BOP1: variants seen among roughly 807,000 people sequenced by gnomAD.
The protein encoded by BOP1 is ribosome biogenesis protein BOP1.
A neutral mutation model predicts 82.9 loss-of-function variants in BOP1; 54 were observed. The observed-to-expected ratio is 0.65, with a 90% CI of 0.52 to 0.82. The LOEUF (loss-of-function observed/expected upper bound fraction) is 0.82. BOP1 is among the 40% of genes least tolerant of loss of function. The pLI is 0.00. For missense variants in BOP1, 1,170 were observed against 1,072.0 expected (o/e 1.09, Z -1.28); for synonymous variants, 566 against 451.1 (o/e 1.25, Z -3.23).
At chr8:144,283,400 TG>T (rs1426137418) in intron 2 of BOP1, among the ~76,000 whole-genome samples, 6 of 152,138 alleles carry the variant, frequency 3.9e-5, no homozygotes, top group Admixed American at 3.9e-4. Flanking sequence ...GCTAAGTGCA[TG>T]GATGATGCCG....
At chr8:144,265,680 G>C (rs1427273915) in intron 3 of BOP1, 1 of 159,504 alleles carries the variant, frequency 6.3e-6, no homozygotes, top group African/African-American at 2.4e-5. Flanking sequence ...GCCACGGGGA[G>C]GGGCCCAGGC....
At position 144,289,176 on chromosome 8, in the gene BOP1, T is replaced by TTCG; in HGVS notation, c.225_227dup (p.Asp75dup). The TTCG allele has an allele frequency of 6.2e-6, 10 of 1,614,180 alleles. No homozygotes were observed. Among genetic ancestry groups the TTCG allele is most frequent in the Non-Finnish European group, 8.5e-6 (10 of 1,180,016 alleles). ...CTCCGTCCTCTCCCTCCTCGTCGCC[T>TTCG]TCGTCATCATCCTCACTGCTGTCAC... On this transcript the variant is annotated inframe_insertion, in exon 2 of 16. Transcript: ENST00000569669.
intron 3 of BOP1, chr8:144,266,719 G>C (rs1845376886): frequency 1.7e-6 from 2 of 1,195,968 alleles, no homozygotes; most frequent in East Asian, 6.4e-5. Context: ...CTCGGGCTCC[G>C]ACGAGAAACC....
chr8:144,263,736 A>C lies in BOP1; in HGVS notation c.1247T>G (p.Val416Gly). The change falls in exon 10 of 16, where the codon GTC becomes GGC. Residue 416 changes from valine to glycine, a missense_variant. Physicochemically the swap from Val to Gly is moderately radical, Grantham distance 109. Coordinates refer to ENST00000569669, the MANE Select transcript of BOP1 (RefSeq NM_015201.5). ...ALVYRGHSDLVRCLSVSPGGQ... is the reference protein window; with the variant it reads ...ALVYRGHSDLGRCLSVSPGGQ... The stretch of plus-strand genomic sequence containing the variant: ...CCCAGGAGAGACACTGAGGCACCGG[A>C]CAAGGTCACTGTGGCCCCTGTAGAC... 5.7e-6 allele frequency: 9 copies of C among 1,579,008 alleles called. No individual in the cohort carries two copies. Among genetic ancestry groups the C allele is most frequent in the Non-Finnish European group, 6.9e-6 (8 of 1,163,748 alleles).
At chr8:144,290,222 C>T (rs1815005015) in intron 1 of BOP1, among the ~76,000 whole-genome samples, 2 of 151,620 alleles carry the variant, frequency 1.3e-5, no homozygotes, top group South Asian at 2.1e-4. Context: ...CTGGTGGTGG[C>T]GGGCACCTCT....
chr8:144,277,425 C>T (rs1276332185), intron 2 of BOP1, among the ~76,000 whole-genome samples: 2 of 152,252 alleles, frequency 1.3e-5, no homozygotes, highest in Non-Finnish European at 2.9e-5. Context: ...CGCACAAGGG[C>T]AGTTCCACAC....
rs1845201258 is a variant in BOP1, at chr8:144,262,179, G to C, written c.2226C>G (p.Val742=). 4 of 1,612,454 alleles carry C rather than the reference G, an allele frequency of 2.5e-6. No homozygotes were observed. The highest frequency in any genetic ancestry group is 1.3e-5 in the African/African-American group (1 of 74,904). ...WVFSSGADGT[V]RLFT is the part of the protein sequence containing the mutation. ...GGCAGAACAGCTAGGTGAAGAGGCGGACAGTCCCGTCTGCCCCCGAGGAGA... is the reference window on the plus strand; with the variant it reads ...GGCAGAACAGCTAGGTGAAGAGGCGCACAGTCCCGTCTGCCCCCGAGGAGA... Residue 742 remains valine, a synonymous_variant, in exon 16 of 16, where the codon GTC becomes GTG. Transcript: ENST00000569669.
chr8:144,269,063 G>A (rs1302922359), intron 3 of BOP1, among the ~76,000 whole-genome samples: 2 of 152,170 alleles, frequency 1.3e-5, no homozygotes, highest in African/African-American at 4.8e-5. Flanking sequence ...CACTGCCCAC[G>A]TGGGAAGGAG....
chr8:144,287,012 C>T (rs187111512), intron 2 of BOP1, among the ~76,000 whole-genome samples: 8 of 152,340 alleles, frequency 5.3e-5, no homozygotes, highest in Non-Finnish European at 1.0e-4. Context: ...TATGCGAAAA[C>T]ATTGTTTTGG....
Position 144,263,134 on chromosome 8 carries a change from G to A in BOP1, c.1613C>T (p.Thr538Met), listed in dbSNP as rs547157741. 93 of 1,593,696 alleles carry A rather than the reference G, an allele frequency of 5.8e-5. No individual in the cohort carries two copies. The Admixed American group carries it at 9.4e-4, about 16-fold the overall frequency. Residue 538 changes from threonine (T) to methionine (M), a missense_variant, in exon 13 of 16, where the codon ACG becomes ATG. Physicochemically the swap from Thr to Met is moderately conservative, Grantham distance 81 (BLOSUM62 -1). Coordinates refer to ENST00000569669, the MANE Select transcript of BOP1 (RefSeq NM_015201.5). Reference protein sequence around the residue: ...RLRICHGKPVTQVTWHGRGDY... With the variant: ...RLRICHGKPVMQVTWHGRGDY... ...CCCACGCCCGTGCCAGGTCACCTGC[G>A]TCACTGGCTGCAGGAGAGCAAGGCT... is the stretch of plus-strand genomic sequence containing the variant.
At chr8:144,266,475 G>A (rs1845367000) in intron 3 of BOP1, 2 of 983,266 alleles carry the variant, frequency 2.0e-6, no homozygotes, top group Admixed American at 6.2e-5. Context: ...ACATGTGCGC[G>A]CGACGCCCGG....
chr8:144,263,479 C>G lies in BOP1; in HGVS notation c.1423G>C (p.Val475Leu). Reference protein sequence around the residue: ...SPAVCLVAAAVEDSVLLLNPA... With the variant: ...SPAVCLVAAALEDSVLLLNPA... ...CCAGCCCCCAGGGCCTCCACTTACACGGCTGCAGCCACCAGGCAGACAGCG... is the reference window on the plus strand; with the variant it reads ...CCAGCCCCCAGGGCCTCCACTTACAGGGCTGCAGCCACCAGGCAGACAGCG... The change falls in exon 11 of 16, where the codon GTG becomes CTG. Residue 475 changes from valine (V) to leucine (L), a missense_variant and splice_region_variant. Physicochemically the swap from Val to Leu is conservative, Grantham distance 32 (BLOSUM62 1). Transcript: ENST00000569669. 6 of 1,598,270 alleles carry G rather than the reference C, an allele frequency of 3.8e-6. No homozygotes were observed. In the Admixed American group the frequency reaches 1.0e-4, roughly 27 times the overall value.
chr8:144,285,935 G>A (rs945384125), intron 2 of BOP1, among the ~76,000 whole-genome samples: 1 of 152,242 alleles, frequency 6.6e-6, no homozygotes, highest in African/African-American at 2.4e-5. Context: ...TGGGCATGAC[G>A]GGGCCATCTT....
chr8:144,274,494 A>C (rs1845539709), intron 3 of BOP1, among the ~76,000 whole-genome samples: 1 of 152,212 alleles, frequency 6.6e-6, no homozygotes, highest in Non-Finnish European at 1.5e-5. Flanking sequence ...ACAGAGGCCC[A>C]GGCAGATGCG....
rs1337554918 is a variant in BOP1, at chr8:144,264,986, A to C, written c.476T>G (p.Ile159Ser). ...ATCCCGGGTCCGCAGGGGCTTGTAG[A>C]TGCGCCTGCCATCCAGGTCGTAGCC... ...HVGYDLDGRR[I>S]YKPLRTRDEL... Residue 159 changes from isoleucine (I) to serine (S), a missense_variant, in exon 4 of 16, where the codon ATC (isoleucine) becomes AGC (serine). Physicochemically the swap from Ile to Ser is moderately radical, Grantham distance 142 (BLOSUM62 -2). Coordinates refer to ENST00000569669, the MANE Select transcript of BOP1 (RefSeq NM_015201.5). The C allele has an allele frequency of 1.2e-6, 2 of 1,612,196 alleles. No individual in the cohort carries two copies. Among genetic ancestry groups the C allele is most frequent in the Admixed American group, 1.7e-5 (1 of 59,986 alleles).
intron 2 of BOP1, among the ~76,000 whole-genome samples, chr8:144,287,989 G>A (rs1195851449): frequency 6.6e-6 from 1 of 152,154 alleles, no homozygotes; most frequent in African/African-American, 2.4e-5. Flanking sequence ...TGCTGGGCTG[G>A]GCGCGGTGGC....
Position 144,262,315 on chromosome 8 carries a change from T to G in BOP1, c.2090A>C (p.Asp697Ala), listed in dbSNP as rs1588584745. 6.2e-7 allele frequency: 1 copy of G among 1,612,698 alleles called. No homozygotes were observed. Among genetic ancestry groups the G allele is most frequent in the South Asian group, 1.1e-5 (1 of 91,034 alleles). Residue 697 changes from aspartate (D) to alanine (A), a missense_variant and splice_region_variant, in exon 16 of 16, where the codon GAC becomes GCC. Coordinates refer to ENST00000569669, the MANE Select transcript of BOP1 (RefSeq NM_015201.5). Reference protein sequence around the residue: ...VIVCHGMVYNDLLQNPLLVPV... With the variant: ...VIVCHGMVYNALLQNPLLVPV... ...CACCAGCAAGGGGTTCTGCAGAAGG[T>G]CACTGTGGGGACGAGGAGGGCTCAG... is the stretch of plus-strand genomic sequence containing the variant.
Position 144,291,171 on chromosome 8 carries a change from G to T in BOP1, c.99+101C>A. ...CCCAAGACCGATTCACTGGGCGCGG[G>T]CGCCCAGGTGACAGAAGCCGGGCCC... On this transcript the variant is annotated intron_variant, in intron 1 of 15. Coordinates refer to ENST00000569669, the MANE Select transcript of BOP1 (RefSeq NM_015201.5). This position sits in a 1 kb window ranked among gnomAD's most constrained non-coding sequence, Gnocchi z 4.1. 9.6e-7 allele frequency: 1 copy of T among 1,040,332 alleles called. No homozygotes were observed. Among genetic ancestry groups the T allele is most frequent in the South Asian group, 2.1e-5 (1 of 47,316 alleles). The allele number at this position is 1,040,332 out of a possible 1,614,324, so 64.4% of individuals were successfully genotyped here.
chr8:144,274,485 C>G (rs1845539591), intron 3 of BOP1, among the ~76,000 whole-genome samples: 3 of 152,244 alleles, frequency 2.0e-5, no homozygotes, highest in African/African-American at 7.2e-5. Context: ...TCCAAGGGAA[C>G]AGAGGCCCAG....
Sources: gnomAD v4.1 joint callset for allele counts (sites outside exome capture counted in the v4.1 genomes callset) on GRCh38, gnomAD v4.1.1 for gene constraint, Gnocchi (gnomAD v3.1) non-coding constraint, MANE v1.5 for transcripts, NCBI Gene and HGNC (gene_info 2026-07-23, HGNC 2026-07-21) for gene names.